The following GTSE1 variants were observed in gnomAD, a reference collection of about 807,000 sequenced individuals.
GTSE1 encodes the protein G2 and S-phase expressed 1, also known as G2 and S phase-expressed protein 1.
GTSE1 carries 52 observed loss-of-function variants against 60.5 expected under a neutral mutation model. The observed-to-expected ratio is 0.86, with a 90% CI of 0.69 to 1.08. GTSE1 has a LOEUF of 1.08. GTSE1 is among the 50% of genes least tolerant of loss of function. The pLI, the probability that GTSE1 is intolerant of heterozygous loss-of-function variation, is 0.00. For synonymous variants in GTSE1, 368 were observed against 386.5 expected (o/e 0.95, Z 0.56); for missense variants, 937 against 961.8 (o/e 0.97, Z 0.34).
At chr22:46,325,231 C>T (rs2077836922) in intron 8 of GTSE1, among the ~76,000 whole-genome samples, 1 of 152,182 alleles carries the variant, frequency 6.6e-6, no homozygotes, top group African/African-American at 2.4e-5. Flanking sequence ...GAGACTCGCT[C>T]TGTCACCTAG....
chr22:46,328,498 TGA>T (rs1307928709), intron 9 of GTSE1, among the ~76,000 whole-genome samples, 188 bp from the exon 10 acceptor site: 1 of 152,086 alleles, frequency 6.6e-6, no homozygotes, highest in Non-Finnish European at 1.5e-5. Context: ...ATTTGTGAGC[TGA>T]GAGGAACTGG....
rs1484114313 is a variant in GTSE1, at chr22:46,329,475, G to A, written c.2044G>A (p.Val682Ile). 1.2e-6 allele frequency: 2 copies of A among 1,614,214 alleles called. No individual in the cohort carries two copies. Among genetic ancestry groups the A allele is most frequent in the Non-Finnish European group, 1.7e-6 (2 of 1,180,020 alleles). ...FCDTPEAHVAVGSESRPLIDL... is the reference protein window; with the variant it reads ...FCDTPEAHVAIGSESRPLIDL... Reference sequence around the variant, plus strand: ...CGATACCCCAGAAGCACACGTGGCTGTAGGATCTGAAAGCAGGCCTCTGAT... The same window carrying A: ...CGATACCCCAGAAGCACACGTGGCTATAGGATCTGAAAGCAGGCCTCTGAT... The change falls in exon 11 of 12, where the codon GTA (valine) becomes ATA (isoleucine). Residue 682 changes from valine (V) to isoleucine (I), a missense_variant. By Grantham distance (29) the Val-to-Ile change is conservative (BLOSUM62 3). Coordinates refer to ENST00000454366, the MANE Select transcript of GTSE1 (RefSeq NM_016426.7). This position sits in a 1 kb window ranked among gnomAD's most constrained non-coding sequence, Gnocchi z 6.4.
rs924226166 is a variant in GTSE1 at position 46,317,816 on chromosome 22, G to T, written c.1432+1404G>T. On this transcript the variant is annotated intron_variant, in intron 7 of 11. Coordinates refer to ENST00000454366, the MANE Select transcript of GTSE1 (RefSeq NM_016426.7). This position sits in a 1 kb window ranked among gnomAD's most constrained non-coding sequence, Gnocchi z 5.6. The stretch of plus-strand genomic sequence containing the variant: ...GCGAGACCCCTGCACTCCTGCTGCT[G>T]CAAGATGACACCTTCTCGGCCCTGT... Among the ~76,000 whole-genome samples the T allele has an allele frequency of 2.2e-4, 34 of 152,348 alleles. No homozygotes were observed. Among genetic ancestry groups the T allele is most frequent in the Non-Finnish European group, 4.0e-4 (27 of 68,022 alleles).
At chr22:46,323,145 C>T (rs781468725) in intron 7 of GTSE1, 45 bp from the exon 8 acceptor site, 3 of 1,273,980 alleles carry the variant, frequency 2.4e-6, no homozygotes, top group Admixed American at 1.7e-5. Context: ...GTAGGTCTCC[C>T]CCTGATCACT....
chr22:46,312,111 A>G (rs1394241309), intron 4 of GTSE1, 30 bp from the exon 5 acceptor site: 7 of 1,583,414 alleles, frequency 4.4e-6, no homozygotes, highest in East Asian at 2.2e-5. Context: ...AGCACTAGAC[A>G]GTTCTCACAG....
Position 46,329,908 on chromosome 22 carries a change from C to T in GTSE1, c.2137-139C>T, listed in dbSNP as rs2077866453. The T allele has an allele frequency of 1.5e-6, 1 of 651,380 alleles. No individual in the cohort carries two copies. Among genetic ancestry groups the T allele is most frequent in the Non-Finnish European group, 2.8e-6 (1 of 358,888 alleles). The allele number at this position is 651,380 out of a possible 1,614,324, so 40.4% of individuals were successfully genotyped here. A position where few individuals can be genotyped will look rare whatever the true frequency, so the allele number is the denominator to read the frequency against. ...CCTTCCAGCTTCTTAGACGTGGTGG[C>T]CCAGAGTGCTTTTCAGTGCACCCGA... On this transcript the variant is annotated intron_variant, in intron 11 of 11. Coordinates refer to ENST00000454366, the MANE Select transcript of GTSE1 (RefSeq NM_016426.7). The surrounding 1 kb of genome is among the most constrained non-coding windows in gnomAD (Gnocchi z 6.4).
At position 46,308,142 on chromosome 22, in the gene GTSE1, C is replaced by A; in HGVS notation, c.80-8C>A. 1 of 1,595,802 alleles carries A rather than the reference C, an allele frequency of 6.3e-7. No homozygotes were observed. The highest frequency in any genetic ancestry group is 8.6e-7 in the Non-Finnish European group (1 of 1,164,318). ...GCACTAAAATAACAGTGGATTTTTT[C>A]CCTCTAGACATTCTTCTTTTGGCCG... On this transcript the variant is annotated splice_region_variant and splice_polypyrimidine_tract_variant and intron_variant, in intron 2 of 11. Transcript: ENST00000454366.
Position 46,304,703 on chromosome 22 carries a change from G to C in GTSE1, c.80-3447G>C, listed in dbSNP as rs941353604. ...GTTAAAGAGTTTGATGTTAGGCCAGGTGTGGTAGCTCATACCTGTAATCCC... is the reference window on the plus strand; with the variant it reads ...GTTAAAGAGTTTGATGTTAGGCCAGCTGTGGTAGCTCATACCTGTAATCCC... On this transcript the variant is annotated intron_variant, in intron 2 of 11. Coordinates refer to ENST00000454366, the MANE Select transcript of GTSE1 (RefSeq NM_016426.7). This position sits in a 1 kb window ranked among gnomAD's most constrained non-coding sequence, Gnocchi z 4.4. Among the ~76,000 whole-genome samples, 5 of 152,206 alleles carry C rather than the reference G, an allele frequency of 3.3e-5. No individual in the cohort carries two copies. Among genetic ancestry groups the C allele is most frequent in the Non-Finnish European group, 7.3e-5 (5 of 68,040 alleles).
Position 46,304,964 on chromosome 22 carries a change from GCGAGACCCTGT to G in GTSE1, c.80-3184_80-3174del, listed in dbSNP as rs1176288618. 6.6e-6 allele frequency among the ~76,000 whole-genome samples: 1 copy of G among 152,230 alleles called. No individual in the cohort carries two copies. The highest frequency in any genetic ancestry group is 2.4e-5 in the African/African-American group (1 of 41,456). On this transcript the variant is annotated intron_variant, in intron 2 of 11. Transcript: ENST00000454366. This position sits in a 1 kb window ranked among gnomAD's most constrained non-coding sequence, Gnocchi z 4.4. ...ACTGTACTCCAGCCTGGGTGACAGA[GCGAGACCCTGT>G]CTCAAAAAAAGAAAAAGGATTATTA...
chr22:46,308,581 G>T lies in GTSE1; in HGVS notation c.400G>T (p.Val134Leu). The T allele has an allele frequency of 6.2e-7, 1 of 1,614,170 alleles. No individual in the cohort carries two copies. Among genetic ancestry groups the T allele is most frequent in the Non-Finnish European group, 8.5e-7 (1 of 1,180,018 alleles). ...GCCTGAAGACCCTCGGAGCCAGGGC[G>T]TGGAAAGATTCATACAGGAGTCAAA... ...AKPEDPRSQG[V>L]ERFIQESKLK... The change falls in exon 4 of 12, where the codon GTG becomes TTG. Residue 134 changes from valine to leucine, a missense_variant. Coordinates refer to ENST00000454366, the MANE Select transcript of GTSE1 (RefSeq NM_016426.7).
rs1278896826 is a variant in GTSE1, at chr22:46,328,746, C to G, written c.1783C>G (p.Pro595Ala). 6.2e-7 allele frequency: 1 copy of G among 1,613,824 alleles called. No individual in the cohort carries two copies. The highest frequency in any genetic ancestry group is 8.5e-7 in the Non-Finnish European group (1 of 1,179,792). The stretch of plus-strand genomic sequence containing the variant: ...AGATTCCAGGCTGGTGGATGTGTCC[C>G]CTGACAGGGGTTCTCCTCCTTCCCG... ...KTDSRLVDVS[P>A]DRGSPPSRVP... Residue 595 changes from proline (P) to alanine (A), a missense_variant, in exon 10 of 12, where the codon CCT becomes GCT. Pro to Ala is a conservative substitution (Grantham distance 27). Transcript: ENST00000454366.
intron 7 of GTSE1, among the ~76,000 whole-genome samples, chr22:46,322,339 A>G (rs187637696): frequency 2.8e-4 from 42 of 152,320 alleles, no homozygotes; most frequent in African/African-American, 7.5e-4. Context: ...CCTCAGCTCC[A>G]GGCCCCACCC....
rs1172745820 is a variant in GTSE1 at position 46,320,624 on chromosome 22, G to C, written c.1433-2566G>C. 6.6e-6 allele frequency among the ~76,000 whole-genome samples: 1 copy of C among 152,238 alleles called. No individual in the cohort carries two copies. Among genetic ancestry groups the C allele is most frequent in the Non-Finnish European group, 1.5e-5 (1 of 68,048 alleles). On this transcript the variant is annotated intron_variant, in intron 7 of 11. Coordinates refer to ENST00000454366, the MANE Select transcript of GTSE1 (RefSeq NM_016426.7). This position sits in a 1 kb window ranked among gnomAD's most constrained non-coding sequence, Gnocchi z 7.1. ...CCCTGTAGTGGAGGCTTTCATATGT[G>C]CACTTTCTCAAAATACTCGAGGCAA...
chr22:46,324,106 G>T lies in GTSE1; in HGVS notation c.1505+844G>T, dbSNP rs1216484176. Among the ~76,000 whole-genome samples the T allele has an allele frequency of 6.6e-6, 1 of 152,186 alleles. No homozygotes were observed. Among genetic ancestry groups the T allele is most frequent in the Non-Finnish European group, 1.5e-5 (1 of 68,042 alleles). On this transcript the variant is annotated intron_variant, in intron 8 of 11. Transcript: ENST00000454366. The surrounding 1 kb of genome is among the most constrained non-coding windows in gnomAD (Gnocchi z 5.2). ...AGTAGGGATGGCCCAAGCTCAGCTGGGGCCACTTGCAAGTCTTTTGGTGAC... is the reference window on the plus strand; with the variant it reads ...AGTAGGGATGGCCCAAGCTCAGCTGTGGCCACTTGCAAGTCTTTTGGTGAC...
chr22:46,301,724 G>T (rs912561108), intron 2 of GTSE1, among the ~76,000 whole-genome samples: 1 of 151,812 alleles, frequency 6.6e-6, no homozygotes, highest in African/African-American at 2.4e-5. Flanking sequence ...CCTGACCTCA[G>T]GTGATCCACC....
At chr22:46,307,268 T>C (rs1424879207) in intron 2 of GTSE1, among the ~76,000 whole-genome samples, 1 of 152,176 alleles carries the variant, frequency 6.6e-6, no homozygotes, top group African/African-American at 2.4e-5. Flanking sequence ...CTCCGTGCAT[T>C]TGAGTAATAT....
rs1025059883 is a variant in GTSE1, at chr22:46,321,013, G to A, written c.1433-2177G>A. On this transcript the variant is annotated intron_variant, in intron 7 of 11. Coordinates refer to ENST00000454366, the MANE Select transcript of GTSE1 (RefSeq NM_016426.7). This position sits in a 1 kb window ranked among gnomAD's most constrained non-coding sequence, Gnocchi z 4.0. ...GTCTCGGGAGAGAGGGAGCCAACACGGGAGGCGGCAAGGGAGAGGGAGGCG... is the reference window on the plus strand; with the variant it reads ...GTCTCGGGAGAGAGGGAGCCAACACAGGAGGCGGCAAGGGAGAGGGAGGCG... 1.3e-5 allele frequency among the ~76,000 whole-genome samples: 2 copies of A among 151,962 alleles called. No homozygotes were observed. The highest frequency in any genetic ancestry group is 2.4e-5 in the African/African-American group (1 of 41,372).
At chr22:46,303,189 C>T (rs1367505895) in intron 2 of GTSE1, among the ~76,000 whole-genome samples, 1 of 152,058 alleles carries the variant, frequency 6.6e-6, no homozygotes, top group Non-Finnish European at 1.5e-5. Context: ...TGTGAGCCAC[C>T]CTGCCCGGTC....
At position 46,308,348 on chromosome 22, in the gene GTSE1, G is replaced by A. The variant is rs1569038576; in HGVS notation, c.167G>A (p.Gly56Glu). ...AATGAAGATGATGAAGTCTTCTTCG[G>A]ACCCTTTGGACATAAAGAAAGATGT... ...SANEDDEVFF[G>E]PFGHKERCIA... Residue 56 changes from glycine (G) to glutamate (E), a missense_variant, in exon 4 of 12, where the codon GGA becomes GAA. Gly to Glu is a moderately conservative substitution (Grantham distance 98). Transcript: ENST00000454366. The A allele has an allele frequency of 6.2e-7, 1 of 1,613,790 alleles. No homozygotes were observed. The highest frequency in any genetic ancestry group is 1.7e-5 in the Admixed American group (1 of 60,008).
Sources: gnomAD v4.1 joint callset for allele counts (sites outside exome capture counted in the v4.1 genomes callset) on GRCh38, gnomAD v4.1.1 for gene constraint, Gnocchi (gnomAD v3.1) non-coding constraint, MANE v1.5 for transcripts, NCBI Gene and HGNC (gene_info 2026-07-23, HGNC 2026-07-21) for gene names.